Variants in SLC24A1 observed in about 807,000 individuals in gnomAD.
The protein encoded by SLC24A1 is solute carrier family 24 member 1, also known as sodium/potassium/calcium exchanger 1.
A neutral mutation model predicts 88.1 loss-of-function variants in SLC24A1; 52 were observed. The observed-to-expected ratio is 0.59, with a 90% confidence interval of 0.47 to 0.74. The LOEUF is 0.74. Among genes scored for constraint, SLC24A1 ranks in the 30% least tolerant of loss-of-function variants. The pLI, the probability that SLC24A1 is intolerant of heterozygous loss-of-function variation, is 0.00. For missense variants in SLC24A1, 1,173 were observed against 1,363.3 expected, an observed-to-expected ratio of 0.86 and a Z score of 2.20; for synonymous variants, 455 against 498.0, an observed-to-expected ratio of 0.91 and a Z score of 1.15.
intron 6 of SLC24A1, among the ~76,000 whole-genome samples, chr15:65,649,644 A>G (rs1206509401): frequency 1.3e-5 from 2 of 152,134 alleles, no homozygotes; most frequent in Non-Finnish European, 2.9e-5. Context: ...ATTGATTCAT[A>G]AAACACCGTA....
Position 65,655,789 on chromosome 15 carries a change from G to A in SLC24A1, c.*1710G>A, listed in dbSNP as rs920568398. On this transcript the variant is annotated 3_prime_UTR_variant, in exon 10 of 10. Transcript: ENST00000261892. ...GATGAATTGCTTAATTAATTGCCTC[G>A]CTACCCCAGGATTCTCATTCTTTGG... 1.3e-5 allele frequency: 13 copies of A among 985,056 alleles called. No individual in the cohort carries two copies. In the Admixed American group the frequency reaches 3.7e-4, roughly 28 times the overall value. 61.0% of individuals were successfully genotyped at this position (985,056 alleles called of 1,614,324 possible). A position where few individuals can be genotyped will look rare whatever the true frequency, so the allele number is the denominator to read the frequency against.
chr15:65,636,931 G>A (rs1031535275), intron 2 of SLC24A1, among the ~76,000 whole-genome samples: 11 of 151,586 alleles, frequency 7.3e-5, no homozygotes, highest in Admixed American at 3.3e-4. Context: ...TCACTTGGGA[G>A]TGTCTACTCA....
At chr15:65,644,640 C>A in intron 5 of SLC24A1, 127 bp downstream of exon 5, 1 of 658,524 alleles carries the variant, frequency 1.5e-6, no homozygotes, top group Non-Finnish European at 2.7e-6. Context: ...CTCTGTGAGC[C>A]AGTCAGTTAG....
At position 65,654,412 on chromosome 15, in the gene SLC24A1, A is replaced by G. The variant is rs911664498; in HGVS notation, c.*333A>G. Reference sequence around the variant, plus strand: ...AAAGGTTGGGATAGGCGCAGCAGCTATAAGACAAGCTCCTACGCTCACTGT... The same window carrying G: ...AAAGGTTGGGATAGGCGCAGCAGCTGTAAGACAAGCTCCTACGCTCACTGT... On this transcript the variant is annotated 3_prime_UTR_variant, in exon 10 of 10. Coordinates refer to ENST00000261892, the MANE Select transcript of SLC24A1 (RefSeq NM_004727.3). 20 of 1,169,866 alleles carry G rather than the reference A, an allele frequency of 1.7e-5. No individual in the cohort carries two copies. Among genetic ancestry groups the G allele is most frequent in the African/African-American group, 1.1e-4 (7 of 62,366 alleles). The allele number at this position is 1,169,866 out of a possible 1,614,324, so 72.5% of individuals were successfully genotyped here. A position where few individuals can be genotyped will look rare whatever the true frequency, so the allele number is the denominator to read the frequency against.
chr15:65,652,076 G>A (rs1427013898), intron 8 of SLC24A1: 3 of 382,240 alleles, frequency 7.8e-6, no homozygotes, highest in East Asian at 6.5e-5. Context: ...GAAATCCTAC[G>A]CATTCTGAGA....
chr15:65,638,020 C>T (rs1463597710), intron 2 of SLC24A1, 108 bp from the exon 3 acceptor site: 10 of 756,922 alleles, frequency 1.3e-5, no homozygotes, highest in Non-Finnish European at 2.1e-5. Flanking sequence ...CAGGTTATCT[C>T]GGAGTGTGTT....
chr15:65,647,144 C>T (rs982951154), intron 6 of SLC24A1, among the ~76,000 whole-genome samples: 2 of 152,170 alleles, frequency 1.3e-5, no homozygotes, highest in Non-Finnish European at 2.9e-5. Context: ...CCCAATCCTG[C>T]ATCCACAGGA....
intron 4 of SLC24A1, among the ~76,000 whole-genome samples, chr15:65,641,774 T>C (rs2141624016): frequency 6.6e-6 from 1 of 152,214 alleles, no homozygotes; most frequent in East Asian, 1.9e-4. Context: ...TCTAGCAAAG[T>C]CCTGATGATA....
chr15:65,654,643 A>T lies in SLC24A1; in HGVS notation c.*564A>T, dbSNP rs761835936. The T allele has an allele frequency of 3.0e-5, 38 of 1,269,138 alleles. No homozygotes were observed. Among genetic ancestry groups the T allele is most frequent in the Non-Finnish European group, 3.7e-5 (36 of 983,008 alleles). 78.6% of individuals were successfully genotyped at this position (1,269,138 alleles called of 1,614,324 possible). A position where few individuals can be genotyped will look rare whatever the true frequency, so the allele number is the denominator to read the frequency against. On this transcript the variant is annotated 3_prime_UTR_variant, in exon 10 of 10. Coordinates refer to ENST00000261892, the MANE Select transcript of SLC24A1 (RefSeq NM_004727.3). ...AAGGCTACAGAAAAAAAAGAAATAT[A>T]ACAGGAATTAATGATCATTCCACGT...
At chr15:65,658,408 G>A (rs1462095562), downstream of SLC24A1, 1 of 152,194 alleles carries the variant, frequency 6.6e-6, no homozygotes, top group Non-Finnish European at 1.5e-5. Context: ...CTTGCTCTGA[G>A]ATAAAGTGCC....
Position 65,651,693 on chromosome 15 carries a change from C to T in SLC24A1, c.2817C>T (p.Phe939=), listed in dbSNP as rs759667443. 9.3e-6 allele frequency: 15 copies of T among 1,606,574 alleles called. No individual in the cohort carries two copies. The Middle Eastern group carries it at 8.2e-4, about 88-fold the overall frequency. Residue 939 remains phenylalanine, a synonymous_variant, in exon 8 of 10, where the codon TTC becomes TTT. Transcript: ENST00000261892. ...AGGAGTCTAGGAAGTTTTTTGTTTT[C>T]ACCTTCCTGGGATCTATCATGTGGA... ...RRQESRKFFV[F]TFLGSIMWIA...
At chr15:65,641,513 A>T (rs1474596992) in intron 4 of SLC24A1, among the ~76,000 whole-genome samples, 1 of 152,220 alleles carries the variant, frequency 6.6e-6, no homozygotes, top group Non-Finnish European at 1.5e-5. Context: ...CTGCTGATGG[A>T]GCTGTTAGGA....
At chr15:65,618,288 C>T (rs2074213791), upstream of SLC24A1, among the ~76,000 whole-genome samples, 1 of 151,964 alleles carries the variant, frequency 6.6e-6, no homozygotes, top group Non-Finnish European at 1.5e-5. Context: ...ATACTTTCTA[C>T]CTAAATGCAA....
In SLC24A1 at chr15:65,613,048, C is replaced by T. The variant is rs147630493; in HGVS notation, c.-228+435C>T. On this transcript the variant is annotated intron_variant, in intron 2 of 11. Transcript: ENST00000537259. ...TGACTATAACATCAGAGAACATCAGCACAAAGGTTAGAAGGTTTTAAAGGG... is the reference window on the plus strand; with the variant it reads ...TGACTATAACATCAGAGAACATCAGTACAAAGGTTAGAAGGTTTTAAAGGG... Among the ~76,000 whole-genome samples, 328 of 152,312 alleles carry T rather than the reference C, an allele frequency of 2.2e-3. 1 individual carries two copies. The highest frequency in any genetic ancestry group is 7.6e-3 in the African/African-American group (316 of 41,564).
At chr15:65,634,740 C>CAAAAAAAAAAAAAAAAAAGAAAAA (rs2074852079) in intron 2 of SLC24A1, among the ~76,000 whole-genome samples, 1 of 90,538 alleles carries the variant, frequency 1.1e-5, no homozygotes, top group Non-Finnish European at 2.2e-5. Context: ...TCAAAAGCAC[C>CAAAAAAAAAAAAAAAAAAGAAAAA]AAAAAAAAAA....
upstream of SLC24A1, among the ~76,000 whole-genome samples, chr15:65,617,495 G>A (rs1028850134): frequency 1.3e-5 from 2 of 152,102 alleles, no homozygotes; most frequent in Non-Finnish European, 2.9e-5. Context: ...TAGCAATTGT[G>A]AACGGGAGTT....
At chr15:65,612,726 C>T (rs941164066) in intron 2 of SLC24A1, 4 of 152,208 alleles carry the variant, frequency 2.6e-5, no homozygotes, top group African/African-American at 9.6e-5. Flanking sequence ...CCTAATGTGA[C>T]AACGACTTAG....
intron 1 of SLC24A1, among the ~76,000 whole-genome samples, chr15:65,622,312 A>C (rs1251155891): frequency 6.6e-6 from 1 of 152,230 alleles, no homozygotes; most frequent in African/African-American, 2.4e-5. Context: ...AAGTTCACTT[A>C]TTCCTACTTT....
chr15:65,657,452 T>C (rs534578831), downstream of SLC24A1, among the ~76,000 whole-genome samples: 102 of 151,804 alleles, frequency 6.7e-4, no homozygotes, highest in African/African-American at 2.0e-3. Context: ...CCATCCTGGC[T>C]AACACGGTGA....
Sources: gnomAD v4.1 joint callset for allele counts (sites outside exome capture counted in the v4.1 genomes callset) on GRCh38, gnomAD v4.1.1 for gene constraint, MANE v1.5 for transcripts, NCBI Gene and HGNC (gene_info 2026-07-23, HGNC 2026-07-21) for gene names.